Variants in SDK1 observed in about 807,000 individuals in gnomAD.
SDK1 encodes protein sidekick-1.
Under a neutral mutation model 245.5 loss-of-function variants are expected in SDK1, and 157 were observed. The observed-to-expected ratio is 0.64, with a 90% CI of 0.56 to 0.73. The LOEUF (loss-of-function observed/expected upper bound fraction) is 0.73. Ranked by LOEUF, SDK1 falls within the 30% of genes least tolerant of loss-of-function variation. The pLI, the probability that SDK1 is intolerant of heterozygous loss-of-function variation, is 0.00. For synonymous variants in SDK1, 1,647 were observed against 1,278.5 expected (o/e 1.29, Z -6.15); for missense variants, 3,583 against 3,002.3 (o/e 1.19, Z -4.52).
At chr7:4,241,674 G>T (rs1311232201) in intron 42 of SDK1, 119 bp from the exon 43 acceptor site, 2 of 1,269,472 alleles carry the variant, frequency 1.6e-6, no homozygotes, top group African/African-American at 1.5e-5. Context: ...GGTATCCTCA[G>T]CTCTGGGCTC....
intron 5 of SDK1, among the ~76,000 whole-genome samples, chr7:3,861,123 T>A (rs58491457): frequency 0.017 from 2,645 of 152,268 alleles, 72 homozygotes; most frequent in African/African-American, 0.061. Context: ...TAGTTGCACA[T>A]GATCACAGGG....
chr7:3,384,675 A>G (rs2128567994), intron 1 of SDK1, among the ~76,000 whole-genome samples: 1 of 152,340 alleles, frequency 6.6e-6, no homozygotes, highest in Non-Finnish European at 1.5e-5. Flanking sequence ...TTCCCTTGCC[A>G]CATCGCGAAT....
At position 4,265,697 on chromosome 7, in the gene SDK1, G is replaced by A. The variant is rs1788424928; in HGVS notation, c.*313G>A. The A allele has an allele frequency of 7.0e-6, 8 of 1,138,882 alleles. No individual in the cohort carries two copies. The highest frequency in any genetic ancestry group is 8.6e-6 in the Non-Finnish European group (8 of 932,586). 70.5% of individuals were successfully genotyped at this position (1,138,882 alleles called of 1,614,324 possible). A position where few individuals can be genotyped will look rare whatever the true frequency, so the allele number is the denominator to read the frequency against. ...GGACCTCAGACCTCCCCAGCCCTGG[G>A]TTTCTCCGTCTTCAAGACCAACTAG... On this transcript the variant is annotated 3_prime_UTR_variant, in exon 45 of 45. Transcript: ENST00000404826.
chr7:4,114,198 G>A lies in SDK1; in HGVS notation c.3747G>A (p.Glu1249=). The A allele has an allele frequency of 6.2e-7, 1 of 1,614,022 alleles. No individual in the cohort carries two copies. Among genetic ancestry groups the A allele is most frequent in the South Asian group, 1.1e-5 (1 of 91,074 alleles). ...AGCTGGAGGAGTGGATGGAATACGA[G>A]CTGCAGATGCAGGCCTTCAACGCCG... The part of the protein sequence containing the change: ...IEELEEWMEY[E]LQMQAFNAVG... The change falls in exon 25 of 45, where the codon GAG becomes GAA. Residue 1249 remains glutamate (E), a synonymous_variant. Coordinates refer to ENST00000404826, the MANE Select transcript of SDK1 (RefSeq NM_152744.4).
chr7:3,456,321 T>C (rs1780664893), intron 1 of SDK1, among the ~76,000 whole-genome samples: 1 of 152,194 alleles, frequency 6.6e-6, no homozygotes, highest in Non-Finnish European at 1.5e-5. Flanking sequence ...AGCAACTTTC[T>C]CCTCTGCTTT....
chr7:3,490,221 T>A (rs1271097599), intron 1 of SDK1, among the ~76,000 whole-genome samples: 2 of 152,364 alleles, frequency 1.3e-5, no homozygotes, highest in East Asian at 3.9e-4. Flanking sequence ...TAATGTAATG[T>A]GAATGATGGA....
intron 1 of SDK1, among the ~76,000 whole-genome samples, chr7:3,483,089 A>C (rs1474765987): frequency 1.3e-5 from 2 of 152,188 alleles, no homozygotes; most frequent in Non-Finnish European, 2.9e-5. Flanking sequence ...AAGTTTTCTT[A>C]CATATTTTAT....
chr7:3,572,262 T>C (rs1780140450), intron 1 of SDK1, among the ~76,000 whole-genome samples: 1 of 152,066 alleles, frequency 6.6e-6, no homozygotes. Flanking sequence ...CTTTAGTTTG[T>C]TTAATGGAAT....
chr7:3,616,769 A>G (rs76674774), intron 1 of SDK1, among the ~76,000 whole-genome samples: 4,188 of 152,298 alleles, frequency 0.027, 201 homozygotes, highest in African/African-American at 0.095. Context: ...TTCAGTTTAT[A>G]CACTATAGTT....
chr7:4,098,742 C>T (rs1463699447), intron 22 of SDK1, among the ~76,000 whole-genome samples: 1 of 151,392 alleles, frequency 6.6e-6, no homozygotes, highest in Non-Finnish European at 1.5e-5. Flanking sequence ...TGGCTCACTG[C>T]AGCCTCAACC....
rs1421502349 is a variant in SDK1, at chr7:4,265,170, T to C, written c.6428T>C (p.Val2143Ala). ...YEDALPKHSF[V>A]NHYMSDPTYY... Reference sequence around the variant, plus strand: ...GACGCGCTGCCCAAGCACTCCTTCGTGAACCACTACATGAGCGACCCCACC... The same window carrying C: ...GACGCGCTGCCCAAGCACTCCTTCGCGAACCACTACATGAGCGACCCCACC... The change falls in exon 45 of 45, where the codon GTG becomes GCG. Residue 2143 changes from valine to alanine, a missense_variant. Coordinates refer to ENST00000404826, the MANE Select transcript of SDK1 (RefSeq NM_152744.4). The C allele has an allele frequency of 1.2e-6, 2 of 1,612,586 alleles. No homozygotes were observed. Among genetic ancestry groups the C allele is most frequent in the Non-Finnish European group, 1.7e-6 (2 of 1,179,650 alleles).
chr7:4,187,660 C>T (rs1782970320), intron 35 of SDK1, among the ~76,000 whole-genome samples: 1 of 152,150 alleles, frequency 6.6e-6, no homozygotes, highest in South Asian at 2.1e-4. Flanking sequence ...AACTGAGACA[C>T]AAAATGTTAG....
At chr7:4,063,040 T>C (rs1044997172) in intron 19 of SDK1, among the ~76,000 whole-genome samples, 4 of 152,164 alleles carry the variant, frequency 2.6e-5, no homozygotes, top group Non-Finnish European at 5.9e-5. Context: ...CTCTGATAAC[T>C]GGAACAAGAC....
chr7:3,765,458 C>A (rs1185906665), intron 4 of SDK1, among the ~76,000 whole-genome samples: 2 of 152,170 alleles, frequency 1.3e-5, no homozygotes, highest in South Asian at 4.2e-4. Context: ...ACTTCCTTGG[C>A]TCAACGTTAT....
intron 1 of SDK1, among the ~76,000 whole-genome samples, chr7:3,388,504 G>C (rs182713986): frequency 6.6e-6 from 1 of 151,924 alleles, no homozygotes; most frequent in Non-Finnish European, 1.5e-5. Flanking sequence ...AGGCTCAAGC[G>C]ATCCCCCCAT....
chr7:3,675,130 C>T (rs183951023), intron 4 of SDK1, among the ~76,000 whole-genome samples: 54 of 152,338 alleles, frequency 3.5e-4, no homozygotes, highest in Non-Finnish European at 6.3e-4. Context: ...GATCTCCCTC[C>T]ATGCCCCAAA....
chr7:4,179,969 C>T (rs975202402), intron 35 of SDK1, among the ~76,000 whole-genome samples: 1 of 151,904 alleles, frequency 6.6e-6, no homozygotes, highest in African/African-American at 2.4e-5. Context: ...TGAGGGTCTG[C>T]CTGCGCCTGG....
chr7:4,119,320 T>C (rs1783915309), intron 25 of SDK1, among the ~76,000 whole-genome samples: 1 of 147,884 alleles, frequency 6.8e-6, no homozygotes, highest in Admixed American at 6.7e-5. Context: ...CCAGGCATGG[T>C]AGCACATGCC....
At chr7:3,408,921 T>C (rs1779123356) in intron 1 of SDK1, among the ~76,000 whole-genome samples, 1 of 152,230 alleles carries the variant, frequency 6.6e-6, no homozygotes, top group Non-Finnish European at 1.5e-5. Flanking sequence ...TAAACAATGC[T>C]GATGTACAGT....
Sources: gnomAD v4.1 joint callset for allele counts (sites outside exome capture counted in the v4.1 genomes callset) on GRCh38, gnomAD v4.1.1 for gene constraint, MANE v1.5 for transcripts, NCBI Gene and HGNC (gene_info 2026-07-23, HGNC 2026-07-21) for gene names.